Variants in SAMD4B observed in about 807,000 individuals in gnomAD.
SAMD4B encodes sterile alpha motif domain containing 4B, also known as protein Smaug homolog 2.
SAMD4B carries 5 observed loss-of-function variants against 74.5 expected under a neutral mutation model. The ratio of observed to expected loss-of-function variants is 0.07; its 90% CI spans 0.04 to 0.14. SAMD4B has a LOEUF of 0.14. SAMD4B is among the 10% of genes least tolerant of loss of function. SAMD4B has a pLI of 1.00. For synonymous variants in SAMD4B, 373 were observed against 374.9 expected, an observed-to-expected ratio of 1.00 and a Z score of 0.06; for missense variants, 608 against 921.8, an observed-to-expected ratio of 0.66 and a Z score of 4.41.
At chr19:39,374,125 G>A (rs1382498116) in intron 4 of SAMD4B, among the ~76,000 whole-genome samples, 1 of 151,998 alleles carries the variant, frequency 6.6e-6, no homozygotes. Flanking sequence ...AAAAACATTA[G>A]CTGGGCATGG....
downstream of SAMD4B, chr19:39,389,055 C>T (rs747086050): frequency 8.0e-5 from 129 of 1,612,496 alleles, no homozygotes; most frequent in East Asian, 5.8e-4. This position sits in a 1 kb window ranked among gnomAD's most constrained non-coding sequence, Gnocchi z 5.3. Flanking sequence ...GCTCTGCAGC[C>T]GCACCCTTGC....
downstream of SAMD4B, chr19:39,389,426 T>C: frequency 6.2e-7 from 1 of 1,607,128 alleles, no homozygotes; most frequent in African/African-American, 1.3e-5. The surrounding 1 kb of genome is among the most constrained non-coding windows in gnomAD (Gnocchi z 5.3). Flanking sequence ...ACTGCCCTCC[T>C]GCTTGTAGGG....
chr19:39,377,713 G>A lies in SAMD4B; in HGVS notation c.1333G>A (p.Glu445Lys). 2 of 1,614,234 alleles carry A rather than the reference G, an allele frequency of 1.2e-6. No individual in the cohort carries two copies. Among genetic ancestry groups the A allele is most frequent in the Non-Finnish European group, 1.7e-6 (2 of 1,180,040 alleles). Residue 445 changes from glutamate to lysine, a missense_variant, in exon 8 of 14, where the codon GAG becomes AAG. Coordinates refer to ENST00000610417, the MANE Select transcript of SAMD4B (RefSeq NM_001384574.2). Reference sequence around the variant, plus strand: ...CGAGGCCAAGGACCCTCCAGCTGTGGAGAACTACCCACCTCCACCAGCTCC... The same window carrying A: ...CGAGGCCAAGGACCCTCCAGCTGTGAAGAACTACCCACCTCCACCAGCTCC... ...GTEAKDPPAV[E>K]NYPPPPAPAP... is the part of the protein sequence containing the mutation.
chr19:39,356,124 C>T (rs2076329237), intron 2 of SAMD4B, among the ~76,000 whole-genome samples: 1 of 149,770 alleles, frequency 6.7e-6, no homozygotes, highest in South Asian at 2.1e-4. Context: ...TGGCTGCATA[C>T]CTGAGATCTC....
chr19:39,388,326 G>C (rs2078298874), downstream of SAMD4B: 2 of 1,613,894 alleles, frequency 1.2e-6, no homozygotes, highest in Non-Finnish European at 1.7e-6. Context: ...TCAGATAGGA[G>C]TGTGCTGAGT....
chr19:39,368,023 G>A (rs2077072521), intron 3 of SAMD4B, among the ~76,000 whole-genome samples: 1 of 151,642 alleles, frequency 6.6e-6, no homozygotes, highest in African/African-American at 2.4e-5. Context: ...GACCATCTTG[G>A]CTAATGCGGT....
chr19:39,368,725 G>A (rs566915712), intron 3 of SAMD4B, among the ~76,000 whole-genome samples: 1 of 152,326 alleles, frequency 6.6e-6, no homozygotes, highest in African/African-American at 2.4e-5. Flanking sequence ...ACAATAGCAA[G>A]CATTTATTAT....
At chr19:39,352,778 T>C (rs1327338488) in intron 1 of SAMD4B, among the ~76,000 whole-genome samples, 1 of 152,218 alleles carries the variant, frequency 6.6e-6, no homozygotes, top group Non-Finnish European at 1.5e-5. Context: ...GGAACAGTGC[T>C]GTTGCTTAGG....
chr19:39,364,508 C>T (rs763227420), intron 3 of SAMD4B, among the ~76,000 whole-genome samples: 4 of 152,244 alleles, frequency 2.6e-5, no homozygotes, highest in Non-Finnish European at 4.4e-5. Flanking sequence ...AAGCATACTG[C>T]CCAGGCCACT....
chr19:39,388,928 C>T, downstream of SAMD4B: 1 of 1,613,608 alleles, frequency 6.2e-7, no homozygotes, highest in Non-Finnish European at 8.5e-7. Flanking sequence ...CCCTTTCTAC[C>T]TCCCACCTTG....
In SAMD4B at chr19:39,385,508, A is replaced by G. The variant is rs1279958884; in HGVS notation, c.*1981A>G. The G allele has an allele frequency of 4.3e-6, 2 of 463,260 alleles. No individual in the cohort carries two copies. The highest frequency in any genetic ancestry group is 7.5e-6 in the Non-Finnish European group (2 of 265,592). The allele number at this position is 463,260 out of a possible 1,614,324, so 28.7% of individuals were successfully genotyped here. ...CAGGACCCTGACCCTCTCCCGCTCC[A>G]GCCCCCTCCCCAGGCCCTCCTCCAT... On this transcript the variant is annotated 3_prime_UTR_variant, in exon 14 of 14. Coordinates refer to ENST00000610417, the MANE Select transcript of SAMD4B (RefSeq NM_001384574.2).
downstream of SAMD4B, among the ~76,000 whole-genome samples, chr19:39,387,948 G>C (rs1016491255): frequency 6.6e-6 from 1 of 152,116 alleles, no homozygotes; most frequent in Non-Finnish European, 1.5e-5. Flanking sequence ...GACCAGCCTG[G>C]CCAGCATGGT....
chr19:39,366,450 G>A (rs2076968891), intron 3 of SAMD4B, among the ~76,000 whole-genome samples: 1 of 152,206 alleles, frequency 6.6e-6, no homozygotes, highest in Admixed American at 6.5e-5. Flanking sequence ...GGGCAATAGA[G>A]CGAGACTCCA....
At chr19:39,355,851 GA>G (rs2076314715) in intron 2 of SAMD4B, among the ~76,000 whole-genome samples, 1 of 152,198 alleles carries the variant, frequency 6.6e-6, no homozygotes, top group African/African-American at 2.4e-5. Flanking sequence ...AGGAGCCTGA[GA>G]CAAGCTGGCA....
intron 1 of SAMD4B, chr19:39,349,707 G>A (rs908792065): frequency 2.0e-5 from 3 of 152,188 alleles, no homozygotes; most frequent in Admixed American, 2.0e-4. Context: ...GGCCTAGGTC[G>A]TGCTGTAAAA....
At chr19:39,357,140 C>T (rs759038131) in intron 3 of SAMD4B, 51 bp downstream of exon 3, 4 of 1,485,738 alleles carry the variant, frequency 2.7e-6, no homozygotes, top group Non-Finnish European at 9.2e-7. Context: ...AGACCTGGAA[C>T]AGATGTCACA....
At chr19:39,347,355 T>C (rs926174041) in intron 1 of SAMD4B, among the ~76,000 whole-genome samples, 1 of 152,194 alleles carries the variant, frequency 6.6e-6, no homozygotes. Context: ...TGCCAGAAGA[T>C]CCTTAGAAAC....
At position 39,369,933 on chromosome 19, in the gene SAMD4B, C is replaced by T. The variant is rs199609404; in HGVS notation, c.475C>T (p.Arg159Cys). The T allele has an allele frequency of 1.5e-5, 25 of 1,614,014 alleles. No individual in the cohort carries two copies. Among genetic ancestry groups the T allele is most frequent in the African/African-American group, 2.7e-5 (2 of 75,042 alleles). The change falls in exon 4 of 14, where the codon CGC (arginine) becomes TGC (cysteine). Residue 159 changes from arginine (R) to cysteine (C), a missense_variant. Transcript: ENST00000610417. ...GGAAGAGCGGTTGGCTAGTGGCTTC[C>T]GCTCCCGGCCAGAGCCCTCCTACCA... is the stretch of plus-strand genomic sequence containing the variant. ...HLEERLASGF[R>C]SRPEPSYHSR...
At chr19:39,389,540 A>G, downstream of SAMD4B, 2 of 1,614,140 alleles carry the variant, frequency 1.2e-6, no homozygotes, top group Non-Finnish European at 1.7e-6. This position sits in a 1 kb window ranked among gnomAD's most constrained non-coding sequence, Gnocchi z 5.3. Context: ...AGCTGGATCT[A>G]GAAGAACTAG....
Sources: allele counts gnomAD v4.1 joint callset (sites outside exome capture counted in the v4.1 genomes callset), GRCh38; gene constraint gnomAD v4.1.1; non-coding constraint Gnocchi (gnomAD v3.1); transcripts MANE v1.5; gene names NCBI Gene and HGNC (gene_info 2026-07-23, HGNC 2026-07-21).